Variants in CSMD1 observed in about 807,000 individuals in gnomAD.
The protein encoded by CSMD1 is CUB and sushi domain-containing protein 1.
A neutral mutation model predicts 417.5 loss-of-function variants in CSMD1; 213 were observed. That is an observed-to-expected ratio of 0.51 (90% confidence interval 0.46 to 0.57). The LOEUF (loss-of-function observed/expected upper bound fraction) is 0.57. CSMD1 is among the 20% of genes least tolerant of loss of function. The pLI, the probability that CSMD1 is intolerant of heterozygous loss-of-function variation, is 0.00. For missense variants in CSMD1, 6,923 were observed against 4,529.7 expected (o/e 1.53, Z -15.17); for synonymous variants, 2,862 against 1,736.8 (o/e 1.65, Z -16.11).
chr8:4,034,203 T>G (rs1421849480), intron 3 of CSMD1, among the ~76,000 whole-genome samples: 2 of 152,020 alleles, frequency 1.3e-5, no homozygotes, highest in Non-Finnish European at 2.9e-5. Flanking sequence ...TTTCTAAAAG[T>G]ATTTTTATTT....
intron 5 of CSMD1, among the ~76,000 whole-genome samples, chr8:3,841,706 TATA>T (rs1803147318): frequency 6.6e-6 from 1 of 151,346 alleles, no homozygotes; most frequent in African/African-American, 2.5e-5. Flanking sequence ...GATTATAATA[TATA>T]ATATCAAAAC....
At chr8:4,496,152 C>A (rs1050837983) in intron 2 of CSMD1, among the ~76,000 whole-genome samples, 2 of 152,198 alleles carry the variant, frequency 1.3e-5, no homozygotes, top group Non-Finnish European at 2.9e-5. Context: ...CTCGCAATTC[C>A]TTTGAAACCA....
intron 1 of CSMD1, among the ~76,000 whole-genome samples, chr8:4,742,150 C>A (rs986014812): frequency 8.0e-5 from 12 of 150,838 alleles, no homozygotes; most frequent in Non-Finnish European, 1.5e-4. Context: ...CCTGCCTCAG[C>A]CTCCCGAGTA....
At chr8:4,723,818 A>G (rs1414579085) in intron 1 of CSMD1, among the ~76,000 whole-genome samples, 1 of 151,474 alleles carries the variant, frequency 6.6e-6, no homozygotes, top group African/African-American at 2.4e-5. Context: ...AAAACAAAAC[A>G]AAACAGTGCC....
intron 3 of CSMD1, among the ~76,000 whole-genome samples, chr8:4,332,070 C>G (rs948293630): frequency 1.3e-5 from 2 of 152,022 alleles, no homozygotes; most frequent in Non-Finnish European, 2.9e-5. Flanking sequence ...CAGTTTGGCT[C>G]CACTGAATCA....
chr8:4,444,004 G>C (rs73660827), intron 2 of CSMD1, among the ~76,000 whole-genome samples: 1 of 152,092 alleles, frequency 6.6e-6, no homozygotes, highest in African/African-American at 2.4e-5. Flanking sequence ...AGTAAGAATG[G>C]TGACATGTTA....
intron 1 of CSMD1, among the ~76,000 whole-genome samples, chr8:4,852,325 C>G (rs1801526707): frequency 6.6e-6 from 1 of 152,072 alleles, no homozygotes; most frequent in African/African-American, 2.4e-5. Context: ...TTCCTGCTAT[C>G]CTTGCAACAG....
intron 22 of CSMD1, among the ~76,000 whole-genome samples, chr8:3,347,103 A>T (rs903732780): frequency 6.6e-6 from 1 of 152,226 alleles, no homozygotes; most frequent in South Asian, 2.1e-4. Flanking sequence ...ACATCTCATA[A>T]TGTTTTAAAT....
intron 18 of CSMD1, among the ~76,000 whole-genome samples, chr8:3,380,823 T>C (rs972359831): frequency 1.3e-4 from 20 of 151,738 alleles, no homozygotes; most frequent in Admixed American, 6.6e-5. Flanking sequence ...CAAAACACCA[T>C]GGCGTGTGTA....
At chr8:3,967,194 C>G (rs961031938) in intron 5 of CSMD1, among the ~76,000 whole-genome samples, 2 of 151,476 alleles carry the variant, frequency 1.3e-5, no homozygotes, top group African/African-American at 4.8e-5. Flanking sequence ...TAACTTGATT[C>G]TCTCTACTGC....
chr8:3,830,430 C>G (rs1237117449), intron 5 of CSMD1, among the ~76,000 whole-genome samples: 1 of 152,194 alleles, frequency 6.6e-6, no homozygotes, highest in East Asian at 1.9e-4. Flanking sequence ...TCTAATTATA[C>G]GTTGACTACT....
chr8:3,908,112 G>A (rs183587342), intron 5 of CSMD1, among the ~76,000 whole-genome samples: 1 of 152,096 alleles, frequency 6.6e-6, no homozygotes, highest in Admixed American at 6.5e-5. Context: ...AGGCTTTATG[G>A]AGCCCCTCTG....
intron 10 of CSMD1, among the ~76,000 whole-genome samples, chr8:3,533,485 T>G (rs1237420738): frequency 6.6e-6 from 1 of 152,206 alleles, no homozygotes; most frequent in East Asian, 1.9e-4. Context: ...CATGAAGTAT[T>G]TGTCCTGTGA....
intron 23 of CSMD1, among the ~76,000 whole-genome samples, chr8:3,329,588 C>T (rs34005579): frequency 6.6e-6 from 1 of 152,154 alleles, no homozygotes; most frequent in African/African-American, 2.4e-5. Flanking sequence ...TTACCCTTCT[C>T]ATGTACCATG....
chr8:4,610,802 T>A (rs777729096), intron 2 of CSMD1, among the ~76,000 whole-genome samples: 30 of 152,180 alleles, frequency 2.0e-4, no homozygotes, highest in Non-Finnish European at 3.4e-4. Context: ...TCACAAGAGT[T>A]CAGGATGGCA....
chr8:4,121,208 G>C (rs181681411), intron 3 of CSMD1, among the ~76,000 whole-genome samples: 10 of 152,082 alleles, frequency 6.6e-5, no homozygotes, highest in Middle Eastern at 3.4e-3. Flanking sequence ...TCTGCCTCTC[G>C]GGTTCAAGCA....
chr8:3,705,249 C>A (rs1801099542), intron 7 of CSMD1, among the ~76,000 whole-genome samples: 1 of 152,180 alleles, frequency 6.6e-6, no homozygotes. Context: ...TCCAGAGGGA[C>A]ATGAACGCAC....
At chr8:4,280,813 A>T (rs540434972) in intron 3 of CSMD1, among the ~76,000 whole-genome samples, 1 of 152,198 alleles carries the variant, frequency 6.6e-6, no homozygotes, top group African/African-American at 2.4e-5. Context: ...AATTTTCAAA[A>T]ATGTATAAAT....
chr8:4,327,759 T>G (rs1202068739), intron 3 of CSMD1, among the ~76,000 whole-genome samples: 1 of 152,244 alleles, frequency 6.6e-6, no homozygotes, highest in African/African-American at 2.4e-5. Context: ...GTTACATACA[T>G]TATTTTTATT....
Sources: gnomAD v4.1 joint callset for allele counts (sites outside exome capture counted in the v4.1 genomes callset) on GRCh38, gnomAD v4.1.1 for gene constraint, MANE v1.5 for transcripts, NCBI Gene and HGNC (gene_info 2026-07-23, HGNC 2026-07-21) for gene names.